IL1RAPL2: variants seen among roughly 807,000 people sequenced by gnomAD.
IL1RAPL2 encodes interleukin 1 receptor accessory protein like 2, also known as X-linked interleukin-1 receptor accessory protein-like 2.
A neutral mutation model predicts 44.1 loss-of-function variants in IL1RAPL2; 3 were observed. The observed-to-expected ratio is 0.07, with a 90% CI of 0.03 to 0.18. The LOEUF is 0.18. Ranked by LOEUF, IL1RAPL2 falls within the 10% of genes least tolerant of loss-of-function variation. The probability of loss-of-function intolerance (pLI) is 1.00; values close to 1 mark genes in which losing one functional copy is unlikely to be tolerated. For missense variants in IL1RAPL2, 391 were observed against 496.4 expected, an observed-to-expected ratio of 0.79 and a Z score of 2.02; for synonymous variants, 181 against 178.8, an observed-to-expected ratio of 1.01 and a Z score of -0.10.
At chrX:105,527,909 A>G (rs1246199288) in intron 6 of IL1RAPL2, among the ~76,000 whole-genome samples, 1 of 111,669 alleles carries the variant, frequency 9.0e-6, no homozygotes. Context: ...CCTACCACTG[A>G]TTCAAATGGA....
At chrX:105,124,226 A>C (rs555373370) in intron 2 of IL1RAPL2, among the ~76,000 whole-genome samples, 1 of 110,627 alleles carries the variant, frequency 9.0e-6, no homozygotes, top group Admixed American at 9.6e-5. Flanking sequence ...TACCTTTAAA[A>C]CAGTAATTTT....
At chrX:105,325,541 T>TTATA (rs3035842) in intron 5 of IL1RAPL2, among the ~76,000 whole-genome samples, 1,220 of 75,938 alleles carry the variant, frequency 0.016, 53 homozygotes, top group African/African-American at 0.078. Flanking sequence ...TCTCTTGGTT[T>TTATA]TATATATATA....
intron 5 of IL1RAPL2, among the ~76,000 whole-genome samples, chrX:105,331,041 G>A (rs2034982105): frequency 9.0e-6 from 1 of 111,636 alleles, no homozygotes; most frequent in South Asian, 3.7e-4. Flanking sequence ...TGTATATAAA[G>A]TGTTTAGAAT....
chrX:105,425,356 G>A (rs1317263370), intron 5 of IL1RAPL2, among the ~76,000 whole-genome samples: 1 of 110,857 alleles, frequency 9.0e-6, no homozygotes, highest in Non-Finnish European at 1.9e-5. Context: ...AAACAAAGAC[G>A]ATGAGAGTAA....
chrX:105,468,806 G>A (rs767820423), intron 5 of IL1RAPL2, among the ~76,000 whole-genome samples: 39 of 111,864 alleles, frequency 3.5e-4, no homozygotes, highest in African/African-American at 1.2e-3. Flanking sequence ...TGACTTAGAT[G>A]ACATATAAAT....
chrX:105,239,426 T>A (rs782496389), intron 4 of IL1RAPL2, among the ~76,000 whole-genome samples: 32 of 111,454 alleles, frequency 2.9e-4, no homozygotes, highest in Admixed American at 9.5e-4. Flanking sequence ...CTCCCGGCAA[T>A]GTTGTCTTTA....
chrX:104,629,066 ATC>A (rs1316823311), intron 1 of IL1RAPL2, among the ~76,000 whole-genome samples: 2 of 112,223 alleles, frequency 1.8e-5, no homozygotes, highest in Non-Finnish European at 1.9e-5. Flanking sequence ...GGAAAAATCT[ATC>A]TATGCATGCA....
At chrX:105,244,569 G>A (rs1285899845) in intron 4 of IL1RAPL2, among the ~76,000 whole-genome samples, 1 of 110,982 alleles carries the variant, frequency 9.0e-6, no homozygotes, top group East Asian at 2.9e-4. Flanking sequence ...GAAAACCATG[G>A]AGCTTTGGAA....
At chrX:105,280,176 G>A (rs1364450881) in intron 5 of IL1RAPL2, among the ~76,000 whole-genome samples, 1 of 111,756 alleles carries the variant, frequency 8.9e-6, no homozygotes, top group Non-Finnish European at 1.9e-5. Context: ...CAAGCAATGG[G>A]GAAAAGATTC....
At chrX:105,194,500 A>G (rs1722486842) in intron 2 of IL1RAPL2, among the ~76,000 whole-genome samples, 2 of 111,960 alleles carry the variant, frequency 1.8e-5, no homozygotes, top group African/African-American at 3.2e-5. Flanking sequence ...TGGCCACAGC[A>G]TTTCATTTTT....
chrX:104,795,038 TTCCCA>T (rs1195704651), intron 2 of IL1RAPL2, among the ~76,000 whole-genome samples: 2 of 111,872 alleles, frequency 1.8e-5, no homozygotes, highest in African/African-American at 6.5e-5. Context: ...GGCCTTTATT[TTCCCA>T]CCAGTCTTTC....
rs191151216 is a variant in IL1RAPL2 at position 104,716,338 on chromosome X, T to C, written c.82+57343T>C. Among the ~76,000 whole-genome samples, 15 of 111,057 alleles carry C rather than the reference T, an allele frequency of 1.4e-4. No homozygotes were observed. The East Asian group carries it at 4.3e-3, about 32-fold the overall frequency. ...GAACTAAAAAACCTGGAAGACAAAATAGGTAATACCATTCAGAACATAGAT... is the reference window on the plus strand; with the variant it reads ...GAACTAAAAAACCTGGAAGACAAAACAGGTAATACCATTCAGAACATAGAT... On this transcript the variant is annotated intron_variant, in intron 2 of 10. Coordinates refer to ENST00000372582, the MANE Select transcript of IL1RAPL2 (RefSeq NM_017416.2).
At chrX:105,572,954 T>C (rs1233449548) in intron 6 of IL1RAPL2, among the ~76,000 whole-genome samples, 1 of 112,000 alleles carries the variant, frequency 8.9e-6, no homozygotes, top group East Asian at 2.8e-4. Flanking sequence ...ATGAACCTAG[T>C]GGAGTGGAGA....
intron 6 of IL1RAPL2, among the ~76,000 whole-genome samples, chrX:105,694,954 A>C (rs2038065057): frequency 9.0e-6 from 1 of 111,440 alleles, no homozygotes; most frequent in African/African-American, 3.3e-5. Flanking sequence ...AAATGAGACT[A>C]GTTCCTCTTT....
intron 2 of IL1RAPL2, among the ~76,000 whole-genome samples, chrX:104,953,642 A>G (rs974571939): frequency 8.9e-6 from 1 of 111,800 alleles, no homozygotes; most frequent in African/African-American, 3.2e-5. Context: ...TGAACAATGA[A>G]TCAAGAAAAT....
At chrX:105,199,383 C>T (rs2033697702) in intron 3 of IL1RAPL2, among the ~76,000 whole-genome samples, 1 of 106,456 alleles carries the variant, frequency 9.4e-6, no homozygotes, top group African/African-American at 3.4e-5. Context: ...ATATTTTGTG[C>T]CCCAGTTCTA....
intron 2 of IL1RAPL2, among the ~76,000 whole-genome samples, chrX:105,060,590 T>TC (rs939002569): frequency 3.8e-5 from 4 of 104,239 alleles, no homozygotes; most frequent in African/African-American, 7.3e-5. Flanking sequence ...TTTTTCTTTT[T>TC]TTTTTTTTTT....
At chrX:105,297,912 TATC>T (rs2034665710) in intron 5 of IL1RAPL2, among the ~76,000 whole-genome samples, 1 of 111,394 alleles carries the variant, frequency 9.0e-6, no homozygotes, top group Non-Finnish European at 1.9e-5. Context: ...TTTAAGAGAT[TATC>T]ATTTTCTCTA....
intron 2 of IL1RAPL2, among the ~76,000 whole-genome samples, chrX:104,677,426 G>C (rs1180669960): frequency 9.0e-6 from 1 of 111,287 alleles, no homozygotes; most frequent in Non-Finnish European, 1.9e-5. Flanking sequence ...AGGGGTCAGG[G>C]ACCCACTTGA....
Sources: gnomAD v4.1 joint callset for allele counts (sites outside exome capture counted in the v4.1 genomes callset) on GRCh38, gnomAD v4.1.1 for gene constraint, MANE v1.5 for transcripts, NCBI Gene and HGNC (gene_info 2026-07-23, HGNC 2026-07-21) for gene names.